GABRA3: variants seen among roughly 807,000 people sequenced by gnomAD.
The protein encoded by GABRA3 is gamma-aminobutyric acid receptor subunit alpha-3.
Under a neutral mutation model 30.1 loss-of-function variants are expected in GABRA3, and 10 were observed. That is an observed-to-expected ratio of 0.33 (90% CI 0.20 to 0.56). The LOEUF is 0.56. Among genes scored for constraint, GABRA3 ranks in the 20% least tolerant of loss-of-function variants. GABRA3 has a pLI of 0.89. For missense variants in GABRA3, 233 were observed against 392.0 expected (o/e 0.59, Z 3.42); for synonymous variants, 151 against 146.8 (o/e 1.03, Z -0.21).
At chrX:152,433,820 T>A (rs896091909) in intron 1 of GABRA3, among the ~76,000 whole-genome samples, 1 of 110,073 alleles carries the variant, frequency 9.1e-6, no homozygotes, top group Non-Finnish European at 1.9e-5. Flanking sequence ...AAATTAACAT[T>A]TATTAGAAAT....
intron 5 of GABRA3, among the ~76,000 whole-genome samples, chrX:152,246,949 C>T (rs1222507525): frequency 2.7e-5 from 3 of 111,798 alleles, no homozygotes; most frequent in Admixed American, 9.5e-5. Context: ...CAAATGCTTT[C>T]CCTGGTTCCT....
chrX:152,384,887 C>T (rs954490124), intron 1 of GABRA3, among the ~76,000 whole-genome samples: 1 of 111,353 alleles, frequency 9.0e-6, no homozygotes, highest in East Asian at 2.8e-4. Context: ...AGAATTCCTA[C>T]AACATCATAA....
intron 1 of GABRA3, among the ~76,000 whole-genome samples, chrX:152,367,417 G>C (rs1928686912): frequency 9.0e-6 from 1 of 111,598 alleles, no homozygotes; most frequent in Non-Finnish European, 1.9e-5. Context: ...ATTATAATAT[G>C]TAATTGCATG....
rs752379677 is a variant in GABRA3 at position 152,329,462 on chromosome X, G to A, written c.262+16119C>T. ...CTTCAAATTATACTACAAAGCTACA[G>A]TAACCAAAACAGCATGGTACTGGTA... On this transcript the variant is annotated intron_variant, in intron 3 of 9. Coordinates refer to ENST00000370314, the MANE Select transcript of GABRA3 (RefSeq NM_000808.4). Among the ~76,000 whole-genome samples, 134 of 112,079 alleles carry A rather than the reference G, an allele frequency of 1.2e-3. 3 individuals carry two copies. Among genetic ancestry groups the A allele is most frequent in the African/African-American group, 4.2e-3 (129 of 30,871 alleles).
chrX:152,242,294 G>A (rs1227501343), intron 5 of GABRA3, among the ~76,000 whole-genome samples: 1 of 111,150 alleles, frequency 9.0e-6, no homozygotes, highest in African/African-American at 3.3e-5. Flanking sequence ...ATTTTGAGTT[G>A]AAACTATAAA....
chrX:152,249,758 TCTC>T (rs1306596718), intron 5 of GABRA3, among the ~76,000 whole-genome samples: 2 of 110,249 alleles, frequency 1.8e-5, no homozygotes, highest in African/African-American at 3.3e-5. Context: ...ATCACTACCT[TCTC>T]CTCTCACTCT....
chrX:152,285,790 C>T (rs1387260182), intron 3 of GABRA3, among the ~76,000 whole-genome samples: 3 of 109,527 alleles, frequency 2.7e-5, no homozygotes, highest in African/African-American at 6.7e-5. Flanking sequence ...GGCTAGGGAG[C>T]TTGCTCAAGC....
rs1453303390 is a variant in GABRA3 at position 152,368,698 on chromosome X, TTTC to T, written c.-26-4105_-26-4103del. Among the ~76,000 whole-genome samples the T allele has an allele frequency of 1.2e-4, 10 of 85,325 alleles. No homozygotes were observed. In the East Asian group the frequency reaches 3.7e-3, roughly 32 times the overall value. 74.1% of individuals were successfully genotyped at this position (85,325 alleles called of 115,157 possible). On this transcript the variant is annotated intron_variant, in intron 1 of 9. Coordinates refer to ENST00000370314, the MANE Select transcript of GABRA3 (RefSeq NM_000808.4). ...TCATGTAACTCTATTTTTAATTTTTTTTCTTTTTTTTTTTTTTTTTTTTTTGAG... is the reference window on the plus strand; with the variant it reads ...TCATGTAACTCTATTTTTAATTTTTTTTTTTTTTTTTTTTTTTTTTTTGAG...
At chrX:152,241,674 C>T (rs1382467349) in intron 5 of GABRA3, among the ~76,000 whole-genome samples, 5 of 109,373 alleles carry the variant, frequency 4.6e-5, no homozygotes, top group African/African-American at 1.6e-4. Flanking sequence ...GGGCGTAGGA[C>T]CCTCTGAGCC....
intron 5 of GABRA3, among the ~76,000 whole-genome samples, chrX:152,237,144 C>T (rs1278389571): frequency 2.7e-5 from 3 of 111,535 alleles, no homozygotes; most frequent in African/African-American, 9.8e-5. Context: ...ACGTTTAAAT[C>T]TCTAATCCAT....
intron 9 of GABRA3, among the ~76,000 whole-genome samples, chrX:152,172,783 C>T (rs748092601): frequency 9.0e-6 from 1 of 111,338 alleles, no homozygotes; most frequent in East Asian, 2.8e-4. Flanking sequence ...ATGGTGGGTG[C>T]TGGGGCTAGG....
chrX:152,297,232 G>A (rs904519365), intron 3 of GABRA3, among the ~76,000 whole-genome samples: 7 of 111,356 alleles, frequency 6.3e-5, no homozygotes, highest in African/African-American at 2.3e-4. Flanking sequence ...CATTCTTAAT[G>A]AAGTCTCAAA....
At chrX:152,214,517 C>A (rs1409280195) in intron 6 of GABRA3, among the ~76,000 whole-genome samples, 1 of 110,701 alleles carries the variant, frequency 9.0e-6, no homozygotes, top group African/African-American at 3.3e-5. Context: ...GTGTGATGTC[C>A]CCAGCTTTAA....
chrX:152,315,974 C>A (rs1378574012), intron 3 of GABRA3, among the ~76,000 whole-genome samples: 2 of 54,137 alleles, frequency 3.7e-5, no homozygotes, highest in Admixed American at 1.8e-4. Flanking sequence ...CCCCCCGACC[C>A]CCCCCCCCCC....
chrX:152,404,036 G>A (rs1418656482), intron 1 of GABRA3, among the ~76,000 whole-genome samples: 1 of 111,137 alleles, frequency 9.0e-6, no homozygotes, highest in Non-Finnish European at 1.9e-5. Flanking sequence ...GCAGTATCAT[G>A]GAGTTTGGGG....
chrX:152,346,442 T>G (rs1004032966), intron 2 of GABRA3, among the ~76,000 whole-genome samples: 1 of 111,633 alleles, frequency 9.0e-6, no homozygotes, highest in African/African-American at 3.3e-5. Flanking sequence ...AAAAATTTCT[T>G]GAGCAATACC....
At chrX:152,373,148 A>G (rs1928890517) in intron 1 of GABRA3, among the ~76,000 whole-genome samples, 1 of 111,660 alleles carries the variant, frequency 9.0e-6, no homozygotes, top group Non-Finnish European at 1.9e-5. Flanking sequence ...TTTTATTTTA[A>G]GTTCCAGGGT....
chrX:152,389,814 C>T lies in GABRA3; in HGVS notation c.-26-25218G>A, dbSNP rs537029045. Among the ~76,000 whole-genome samples the T allele has an allele frequency of 5.4e-5, 6 of 110,495 alleles. No individual in the cohort carries two copies. The East Asian group carries it at 1.7e-3, about 32-fold the overall frequency. ...ATCATGCATCAGCTAATACATAGTCCAATACACAGAAGATGGCATTTTCGG... is the reference window on the plus strand; with the variant it reads ...ATCATGCATCAGCTAATACATAGTCTAATACACAGAAGATGGCATTTTCGG... On this transcript the variant is annotated intron_variant, in intron 1 of 9. Coordinates refer to ENST00000370314, the MANE Select transcript of GABRA3 (RefSeq NM_000808.4).
intron 5 of GABRA3, among the ~76,000 whole-genome samples, chrX:152,250,393 G>C (rs1415853701): frequency 1.8e-5 from 2 of 111,056 alleles, no homozygotes; most frequent in Non-Finnish European, 3.8e-5. Flanking sequence ...TAAGTCAATA[G>C]GATAAAATCT....
Sources: gnomAD v4.1 joint callset for allele counts (sites outside exome capture counted in the v4.1 genomes callset) on GRCh38, gnomAD v4.1.1 for gene constraint, MANE v1.5 for transcripts, NCBI Gene and HGNC (gene_info 2026-07-23, HGNC 2026-07-21) for gene names.